The following DOCK3 variants were observed in gnomAD, a reference collection of about 807,000 sequenced individuals.
DOCK3 encodes dedicator of cytokinesis protein 3.
Under a neutral mutation model 265.6 loss-of-function variants are expected in DOCK3, and 60 were observed. That is an observed-to-expected ratio of 0.23 (90% CI 0.18 to 0.28). DOCK3 has a LOEUF of 0.28. Ranked by LOEUF, DOCK3 falls within the 10% of genes least tolerant of loss-of-function variation. DOCK3 has a pLI of 1.00. For synonymous variants in DOCK3, 881 were observed against 938.0 expected (o/e 0.94, Z 1.11); for missense variants, 1,981 against 2,594.3 (o/e 0.76, Z 5.14).
At chr3:51,350,512 C>A in intron 40 of DOCK3, 120 bp downstream of exon 40, 2 of 1,095,236 alleles carry the variant, frequency 1.8e-6, no homozygotes, top group Non-Finnish European at 2.6e-6. Context: ...AGAGGATAAA[C>A]CAGTTAACAA....
chr3:51,068,298 T>C (rs1285873163), intron 6 of DOCK3, among the ~76,000 whole-genome samples: 7 of 151,748 alleles, frequency 4.6e-5, no homozygotes, highest in Admixed American at 4.6e-4. Flanking sequence ...CCCAGCACTT[T>C]GGGAGGCCGA....
intron 14 of DOCK3, among the ~76,000 whole-genome samples, chr3:51,220,253 TGAAA>T (rs1331390322): frequency 1.3e-5 from 2 of 152,274 alleles, no homozygotes; most frequent in East Asian, 3.9e-4. Context: ...CCAATTGTAC[TGAAA>T]GAAAGTCAGT....
At chr3:51,030,890 A>G (rs2080019665) in intron 5 of DOCK3, among the ~76,000 whole-genome samples, 2 of 152,184 alleles carry the variant, frequency 1.3e-5, no homozygotes, top group East Asian at 1.9e-4. Flanking sequence ...TGCCAACCTA[A>G]GAATCATTAA....
intron 4 of DOCK3, 71 bp from the exon 5 acceptor site, chr3:50,933,910 A>G (rs2108168347): frequency 9.9e-7 from 1 of 1,006,254 alleles, no homozygotes; most frequent in Middle Eastern, 2.2e-4. Context: ...ACAAGTAGAA[A>G]AAGACAGGAG....
intron 4 of DOCK3, among the ~76,000 whole-genome samples, chr3:50,915,955 C>A (rs1055351286): frequency 6.6e-6 from 1 of 151,878 alleles, no homozygotes; most frequent in African/African-American, 2.4e-5. Context: ...GGATATCCAG[C>A]CATAGATTTG....
chr3:50,734,179 C>T (rs1266921739), intron 1 of DOCK3, among the ~76,000 whole-genome samples: 1 of 152,138 alleles, frequency 6.6e-6, no homozygotes, highest in African/African-American at 2.4e-5. Context: ...ACATGTTACA[C>T]ACAACAAATA....
intron 3 of DOCK3, among the ~76,000 whole-genome samples, chr3:50,852,962 C>T (rs1205379023): frequency 6.6e-6 from 1 of 152,086 alleles, no homozygotes; most frequent in African/African-American, 2.4e-5. Context: ...TACTTGCATA[C>T]AATGTGTAAT....
intron 19 of DOCK3, among the ~76,000 whole-genome samples, chr3:51,230,751 G>A (rs62257479): frequency 3.9e-5 from 6 of 152,170 alleles, no homozygotes; most frequent in South Asian, 4.2e-4. Context: ...CCTTGACCTC[G>A]TGATCCATCC....
At chr3:50,853,259 A>G (rs913496565) in intron 3 of DOCK3, among the ~76,000 whole-genome samples, 3 of 151,544 alleles carry the variant, frequency 2.0e-5, no homozygotes, top group East Asian at 1.9e-4. Flanking sequence ...TAGCTCTCAC[A>G]TAAGAGTAAG....
At chr3:51,376,269 G>A (rs938391572) in intron 51 of DOCK3, among the ~76,000 whole-genome samples, 1 of 152,214 alleles carries the variant, frequency 6.6e-6, no homozygotes, top group Non-Finnish European at 1.5e-5. Context: ...CCAAGAGGAA[G>A]GGGAAAGACA....
chr3:51,297,877 T>C (rs1480357), intron 27 of DOCK3, among the ~76,000 whole-genome samples: 138,431 of 151,994 alleles, frequency 0.91, 63,185 homozygotes, highest in African/African-American at 0.95. Flanking sequence ...ACTTTCTTTA[T>C]TCAAGAGACT....
At chr3:51,029,191 T>C (rs2079938221) in intron 5 of DOCK3, among the ~76,000 whole-genome samples, 1 of 152,188 alleles carries the variant, frequency 6.6e-6, no homozygotes, top group Non-Finnish European at 1.5e-5. Context: ...ATGGGTTCCT[T>C]GGTTACAGAT....
At chr3:50,905,886 A>T (rs923895706) in intron 4 of DOCK3, among the ~76,000 whole-genome samples, 1 of 151,982 alleles carries the variant, frequency 6.6e-6, no homozygotes, top group Non-Finnish European at 1.5e-5. Flanking sequence ...TCAGTATGAT[A>T]TTGGCTGTGG....
intron 19 of DOCK3, among the ~76,000 whole-genome samples, chr3:51,234,181 C>G (rs902046964): frequency 6.6e-6 from 1 of 152,190 alleles, no homozygotes; most frequent in African/African-American, 2.4e-5. Context: ...GGTAATAGCT[C>G]TCCCAACTGG....
At chr3:51,040,016 A>G (rs901491488) in intron 5 of DOCK3, among the ~76,000 whole-genome samples, 3 of 151,746 alleles carry the variant, frequency 2.0e-5, no homozygotes, top group African/African-American at 7.3e-5. Flanking sequence ...TCATGTCTTT[A>G]AACCATCTGG....
intron 30 of DOCK3, 113 bp downstream of exon 30, chr3:51,312,689 G>A (rs1053176829): frequency 1.6e-6 from 2 of 1,260,366 alleles, no homozygotes; most frequent in African/African-American, 1.5e-5. Context: ...TTTCCCAGGG[G>A]CCCAAGTGTG....
chr3:51,259,195 G>T lies in DOCK3; in HGVS notation c.2185-961G>T, dbSNP rs561135094. Among the ~76,000 whole-genome samples the T allele has an allele frequency of 1.1e-4, 16 of 152,320 alleles. No individual in the cohort carries two copies. In the South Asian group the frequency reaches 2.5e-3, roughly 24 times the overall value. Reference sequence around the variant, plus strand: ...CATTTTTCTAAACTGGCATTCCCCAGTGCCAACTGAATTTTGTATGGGCCA... The same window carrying T: ...CATTTTTCTAAACTGGCATTCCCCATTGCCAACTGAATTTTGTATGGGCCA... On this transcript the variant is annotated intron_variant, in intron 22 of 52. Coordinates refer to ENST00000266037, the MANE Select transcript of DOCK3 (RefSeq NM_004947.5).
intron 6 of DOCK3, among the ~76,000 whole-genome samples, chr3:51,072,149 C>T (rs1045383414): frequency 7.2e-5 from 11 of 152,156 alleles, no homozygotes; most frequent in Non-Finnish European, 1.0e-4. Context: ...CTACTGTATT[C>T]TTTATGTCTA....
At chr3:51,276,401 A>G (rs570376414) in intron 25 of DOCK3, 6 of 985,450 alleles carry the variant, frequency 6.1e-6, no homozygotes. Context: ...AAGGAGAGAA[A>G]TTGAAGCAAA....
Sources: allele counts gnomAD v4.1 joint callset (sites outside exome capture counted in the v4.1 genomes callset), GRCh38; gene constraint gnomAD v4.1.1; transcripts MANE v1.5; gene names NCBI Gene and HGNC (gene_info 2026-07-23, HGNC 2026-07-21).